Variants in CANX observed in about 807,000 individuals in gnomAD.
CANX encodes the protein epididymis secretory sperm binding protein.
A neutral mutation model predicts 75.7 loss-of-function variants in CANX; 14 were observed. That is an observed-to-expected ratio of 0.19 (90% CI 0.12 to 0.29). CANX has a LOEUF of 0.29. CANX is among the 10% of genes least tolerant of loss of function. The probability of loss-of-function intolerance (pLI) is 1.00; values close to 1 mark genes in which losing one functional copy is unlikely to be tolerated. For missense variants in CANX, 567 were observed against 713.2 expected, an observed-to-expected ratio of 0.79 and a Z score of 2.34; for synonymous variants, 227 against 236.9, an observed-to-expected ratio of 0.96 and a Z score of 0.38.
intron 3 of CANX, 92 bp from the exon 4 acceptor site, chr5:179,707,040 A>G: frequency 3.9e-6 from 3 of 776,348 alleles, no homozygotes; most frequent in Admixed American, 1.8e-5. Flanking sequence ...GGCTAAGAGC[A>G]GAATAGGTCC....
intron 7 of CANX, among the ~76,000 whole-genome samples, chr5:179,714,124 G>A (rs1038618756): frequency 1.3e-5 from 2 of 151,928 alleles, no homozygotes; most frequent in South Asian, 2.1e-4. Flanking sequence ...TCAGCCTCCT[G>A]AATAGTTGGG....
At chr5:179,714,954 A>G (rs1455862308) in intron 7 of CANX, among the ~76,000 whole-genome samples, 2 of 151,790 alleles carry the variant, frequency 1.3e-5, no homozygotes, top group African/African-American at 2.4e-5. Context: ...TAGTAGAGAC[A>G]GGGTTTCACC....
At chr5:179,714,963 C>T (rs1366922693) in intron 7 of CANX, among the ~76,000 whole-genome samples, 1 of 152,096 alleles carries the variant, frequency 6.6e-6, no homozygotes. Context: ...CAGGGTTTCA[C>T]CATGTTGGCC....
intron 13 of CANX, among the ~76,000 whole-genome samples, chr5:179,725,317 C>T (rs1778576011): frequency 6.6e-6 from 1 of 152,080 alleles, no homozygotes; most frequent in African/African-American, 2.4e-5. Flanking sequence ...AGCGATTCTC[C>T]CACCTGGGCC....
chr5:179,711,943 CA>C (rs1194170991), intron 7 of CANX, among the ~76,000 whole-genome samples: 1 of 151,114 alleles, frequency 6.6e-6, no homozygotes, highest in Admixed American at 6.6e-5. Context: ...ACTGAAAATA[CA>C]AAAATTAGCC....
At chr5:179,704,889 A>G (rs1777023710) in intron 1 of CANX, among the ~76,000 whole-genome samples, 1 of 152,176 alleles carries the variant, frequency 6.6e-6, no homozygotes, top group Non-Finnish European at 1.5e-5. Context: ...TCTTAGTTTA[A>G]TATTCTTTTT....
At chr5:179,705,501 T>G (rs1473306975) in intron 1 of CANX, among the ~76,000 whole-genome samples, 178 bp from the exon 2 acceptor site, 1 of 152,236 alleles carries the variant, frequency 6.6e-6, no homozygotes, top group Non-Finnish European at 1.5e-5. Flanking sequence ...TTTTAACTGA[T>G]TTTAGGGAAA....
intron 7 of CANX, 24 bp downstream of exon 7, chr5:179,710,089 G>T: frequency 2.9e-6 from 4 of 1,371,556 alleles, no homozygotes; most frequent in Non-Finnish European, 4.1e-6. Flanking sequence ...TTAGTTTGGG[G>T]GCTTATGGTA....
intron 1 of CANX, among the ~76,000 whole-genome samples, chr5:179,685,074 G>A (rs987526510): frequency 2.0e-5 from 3 of 148,554 alleles, no homozygotes; most frequent in South Asian, 4.3e-4. Flanking sequence ...CACTGTGCCC[G>A]GCCTTAATAA....
intron 9 of CANX, 45 bp from the exon 10 acceptor site, chr5:179,720,359 T>G: frequency 1.3e-6 from 2 of 1,556,622 alleles, no homozygotes; most frequent in Non-Finnish European, 1.8e-6. Flanking sequence ...TTCATAGTCC[T>G]GCATCACAGA....
At chr5:179,679,241 G>A in intron 1 of CANX, 1 of 1,529,416 alleles carries the variant, frequency 6.5e-7, no homozygotes, top group East Asian at 2.5e-5. Context: ...TGTCCAGAAT[G>A]ATGAAGGCGA....
At position 179,723,669 on chromosome 5, in the gene CANX, G is replaced by C; in HGVS notation, c.1408G>C (p.Val470Leu). ...AADGAAEPGV[V>L]GQMIEAAEER... ...CTGTCTTGTTTTTCAGCCAGGCGTT[G>C]TGGGGCAGATGATCGAGGCAGCTGA... Residue 470 changes from valine (V) to leucine (L), a missense_variant, in exon 12 of 15, where the codon GTG becomes CTG. Coordinates refer to ENST00000247461, the MANE Select transcript of CANX (RefSeq NM_001746.4). 1 of 1,613,466 alleles carries C rather than the reference G, an allele frequency of 6.2e-7. No homozygotes were observed. Among genetic ancestry groups the C allele is most frequent in the East Asian group, 2.2e-5 (1 of 44,858 alleles).
intron 14 of CANX, among the ~76,000 whole-genome samples, chr5:179,728,313 G>T (rs896647807): frequency 6.6e-6 from 1 of 152,072 alleles, no homozygotes; most frequent in Non-Finnish European, 1.5e-5. Context: ...GCAAGATTAA[G>T]AAATCACAGT....
intron 7 of CANX, among the ~76,000 whole-genome samples, chr5:179,712,545 A>G (rs1213409716): frequency 6.6e-6 from 1 of 151,168 alleles, no homozygotes; most frequent in Non-Finnish European, 1.5e-5. Flanking sequence ...TGGCCTCCCA[A>G]GTAGCTGGGA....
intron 1 of CANX, among the ~76,000 whole-genome samples, chr5:179,689,975 G>A (rs929568311): frequency 6.6e-6 from 1 of 152,074 alleles, no homozygotes; most frequent in Non-Finnish European, 1.5e-5. Flanking sequence ...GTGTGCTACC[G>A]GGTCCCAACA....
chr5:179,713,874 C>T (rs1331258282), intron 7 of CANX, among the ~76,000 whole-genome samples: 1 of 152,168 alleles, frequency 6.6e-6, no homozygotes, highest in African/African-American at 2.4e-5. Flanking sequence ...ATGATTGGGC[C>T]ACTGCACTCC....
Position 179,684,919 on chromosome 5 carries a change from A to ATTTTTTTT in CANX, c.-4+6146_-4+6147insTTTTTTTT, listed in dbSNP as rs1562433057. 5.7e-4 allele frequency among the ~76,000 whole-genome samples: 54 copies of ATTTTTTTT among 95,260 alleles called. 4 individuals are homozygous for ATTTTTTTT. The highest frequency in any genetic ancestry group is 2.3e-3 in the African/African-American group (53 of 23,400). The allele number at this position is 95,260 out of a possible 152,430, so 62.5% of individuals were successfully genotyped here. ...AGGCGTGTGCCACCACACCTGGCTAATTTTGTATTTTTTTTTTTTTTTTTT... is the reference window on the plus strand; with the variant it reads ...AGGCGTGTGCCACCACACCTGGCTAATTTTTTTTTTTTGTATTTTTTTTTTTTTTTTTT... On this transcript the variant is annotated intron_variant, in intron 1 of 14. Coordinates refer to the CANX transcript ENST00000681674.
rs1233048370 is a variant in CANX at position 179,722,964 on chromosome 5, A to G, written c.1343A>G (p.Asp448Gly). Residue 448 changes from aspartate to glycine, a missense_variant, in exon 11 of 15, where the codon GAT becomes GGT. Transcript: ENST00000247461. Reference protein sequence around the residue: ...FIICADRRIVDDWANDGWGLK... With the variant: ...FIICADRRIVGDWANDGWGLK... ...ATTTGTGCTGATCGAAGAATAGTTG[A>G]TGATTGGGCCAATGATGGATGGGGC... 6.2e-7 allele frequency: 1 copy of G among 1,614,108 alleles called. No individual in the cohort carries two copies. Among genetic ancestry groups the G allele is most frequent in the South Asian group, 1.1e-5 (1 of 91,082 alleles).
rs531243590 is a variant in CANX, at chr5:179,678,973, C to T, written c.-4+196C>T. The T allele has an allele frequency of 8.5e-6, 13 of 1,535,942 alleles. No homozygotes were observed. The African/African-American group carries it at 1.4e-4, about 16-fold the overall frequency. On this transcript the variant is annotated intron_variant, in intron 1 of 14. Transcript: ENST00000681674. ...CGCCGTAGGCGAGGCCCAGCTCGGC[C>T]TGGCGCGTGTTGTGGTCCAGCAGGT...
Sources: allele counts gnomAD v4.1 joint callset (sites outside exome capture counted in the v4.1 genomes callset), GRCh38; gene constraint gnomAD v4.1.1; transcripts MANE v1.5; gene names NCBI Gene and HGNC (gene_info 2026-07-23, HGNC 2026-07-21).